ZC3H12B: variants seen among roughly 807,000 people sequenced by gnomAD.
The protein encoded by ZC3H12B is zinc finger CCCH-type containing 12B.
In ZC3H12B, 7 loss-of-function variants were observed where a neutral mutation model predicts 43.9. That is an observed-to-expected ratio of 0.16 (90% confidence interval 0.09 to 0.30). ZC3H12B has a LOEUF of 0.30. ZC3H12B is among the 10% of genes least tolerant of loss of function. ZC3H12B has a pLI of 1.00. For missense variants in ZC3H12B, 475 were observed against 670.2 expected, an observed-to-expected ratio of 0.71 and a Z score of 3.22; for synonymous variants, 222 against 241.7, an observed-to-expected ratio of 0.92 and a Z score of 0.76.
chrX:65,055,159 G>A, the ZC3H12B span, among the ~76,000 whole-genome samples: 1 of 111,309 alleles, frequency 9.0e-6, no homozygotes, highest in Non-Finnish European at 1.9e-5. Flanking sequence ...TCCCTGTCTT[G>A]TGCCAGTTTT....
chrX:65,220,815 A>T, the ZC3H12B span, among the ~76,000 whole-genome samples: 1 of 111,798 alleles, frequency 8.9e-6, no homozygotes. Flanking sequence ...TAAACAAAGG[A>T]ACAATAGACT....
At chrX:65,097,923 C>T in the ZC3H12B span, among the ~76,000 whole-genome samples, 1 of 111,539 alleles carries the variant, frequency 9.0e-6, no homozygotes, top group African/African-American at 3.3e-5. Context: ...GTGTTCTCAT[C>T]CTTTGTCAAA....
At chrX:65,053,879 T>C in the ZC3H12B span, among the ~76,000 whole-genome samples, 10 of 112,284 alleles carry the variant, frequency 8.9e-5, no homozygotes, top group East Asian at 2.0e-3. Context: ...CATTTTTTCA[T>C]GTGTCTTTTG....
chrX:65,313,091 A>C, the ZC3H12B span, among the ~76,000 whole-genome samples: 2 of 111,223 alleles, frequency 1.8e-5, no homozygotes, highest in Admixed American at 9.6e-5. Flanking sequence ...CATGCTAGCC[A>C]GGCTGGTCTT....
the ZC3H12B span, among the ~76,000 whole-genome samples, chrX:65,123,068 A>G: frequency 2.7e-5 from 3 of 112,240 alleles, no homozygotes; most frequent in Non-Finnish European, 3.8e-5. Flanking sequence ...TGGGTTTGTC[A>G]TAAATAGCTC....
chrX:65,460,799 G>T (rs1012713559), intron 3 of ZC3H12B, among the ~76,000 whole-genome samples: 2 of 111,413 alleles, frequency 1.8e-5, no homozygotes, highest in African/African-American at 6.6e-5. Flanking sequence ...ATAGGCATGG[G>T]CAAGGACTTC....
chrX:65,238,109 T>C, the ZC3H12B span, among the ~76,000 whole-genome samples: 1 of 111,535 alleles, frequency 9.0e-6, no homozygotes. Context: ...TTGGAATAGA[T>C]TTAGTAGAAA....
At chrX:65,105,228 G>T in the ZC3H12B span, among the ~76,000 whole-genome samples, 3 of 109,209 alleles carry the variant, frequency 2.7e-5, no homozygotes, top group Non-Finnish European at 5.7e-5. Context: ...ACCGCAAGGG[G>T]AACATCACAC....
At chrX:65,202,042 A>AATATAATATATGTAATATATATATTAC in the ZC3H12B span, among the ~76,000 whole-genome samples, 8 of 79,378 alleles carry the variant, frequency 1.0e-4, no homozygotes, top group African/African-American at 6.7e-4. Context: ...ATTACTTTAT[A>AATATAATATATGTAATATATATATTAC]ATATAATATA....
chrX:65,165,481 C>T, the ZC3H12B span, among the ~76,000 whole-genome samples: 1 of 111,821 alleles, frequency 8.9e-6, no homozygotes, highest in African/African-American at 3.2e-5. Flanking sequence ...TCCCTGTGCC[C>T]ATGTGTTCTC....
the ZC3H12B span, among the ~76,000 whole-genome samples, chrX:65,169,368 T>C: frequency 8.9e-6 from 1 of 112,142 alleles, no homozygotes; most frequent in Non-Finnish European, 1.9e-5. Context: ...TAATCCTGAG[T>C]TCTAGTTTGA....
intron 3 of ZC3H12B, among the ~76,000 whole-genome samples, chrX:65,403,850 G>T (rs2066791755): frequency 9.0e-6 from 1 of 111,584 alleles, no homozygotes; most frequent in Non-Finnish European, 1.9e-5. Context: ...GAAAGAAAAA[G>T]ACATTAATGA....
chrX:65,258,897 A>G, the ZC3H12B span, among the ~76,000 whole-genome samples: 14 of 111,555 alleles, frequency 1.3e-4, no homozygotes, highest in African/African-American at 4.2e-4. Context: ...ATTACAAAAC[A>G]TTGCTCAAAG....
At chrX:65,393,175 C>T (rs2066649891) in intron 2 of ZC3H12B, among the ~76,000 whole-genome samples, 1 of 111,103 alleles carries the variant, frequency 9.0e-6, no homozygotes, top group Admixed American at 9.6e-5. Flanking sequence ...ATCTGCTGAC[C>T]TTCTCTCCAC....
chrX:65,201,663 TCTC>T, the ZC3H12B span, among the ~76,000 whole-genome samples: 23 of 105,823 alleles, frequency 2.2e-4, no homozygotes, highest in Non-Finnish European at 4.3e-4. Context: ...TCTCTCTCTC[TCTC>T]TCTCTCTCTC....
At chrX:65,172,956 G>A in the ZC3H12B span, among the ~76,000 whole-genome samples, 1 of 111,647 alleles carries the variant, frequency 9.0e-6, no homozygotes, top group Admixed American at 9.6e-5. Flanking sequence ...TTCTAATTCT[G>A]CTTACAAAGT....
chrX:65,072,497 C>A, the ZC3H12B span, among the ~76,000 whole-genome samples: 3 of 112,396 alleles, frequency 2.7e-5, no homozygotes, highest in Non-Finnish European at 3.8e-5. Context: ...TGTGCTGGTT[C>A]TTTCTCATCT....
At chrX:65,330,554 C>G in the ZC3H12B span, among the ~76,000 whole-genome samples, 1 of 111,349 alleles carries the variant, frequency 9.0e-6, no homozygotes, top group East Asian at 2.8e-4. Flanking sequence ...TCATAGATAG[C>G]TCTTATTATT....
the ZC3H12B span, among the ~76,000 whole-genome samples, chrX:65,276,404 G>A: frequency 9.0e-6 from 1 of 111,097 alleles, no homozygotes; most frequent in Non-Finnish European, 1.9e-5. Flanking sequence ...GAGTCAAATT[G>A]TCAAACATTA....
Sources: allele counts gnomAD v4.1 joint callset (sites outside exome capture counted in the v4.1 genomes callset), GRCh38; gene constraint gnomAD v4.1.1; transcripts MANE v1.5; gene names NCBI Gene and HGNC (gene_info 2026-07-23, HGNC 2026-07-21).